The following AMPD3 variants were observed in gnomAD, a reference collection of about 807,000 sequenced individuals.
The protein encoded by AMPD3 is AMP deaminase 3.
In AMPD3, 57 loss-of-function variants were observed where a neutral mutation model predicts 82.3. The observed-to-expected ratio is 0.69, with a 90% confidence interval of 0.56 to 0.86. AMPD3 has a LOEUF of 0.86. Ranked by LOEUF, AMPD3 falls within the 40% of genes least tolerant of loss-of-function variation. The pLI is 0.00. For missense variants in AMPD3, 870 were observed against 1,003.8 expected (o/e 0.87, Z 1.80); for synonymous variants, 381 against 394.7 (o/e 0.97, Z 0.41).
At chr11:10,486,917 A>T (rs1849087348) in intron 5 of AMPD3, 1 of 985,370 alleles carries the variant, frequency 1.0e-6, no homozygotes, top group Non-Finnish European at 1.2e-6. Flanking sequence ...CTTGGGTGTT[A>T]CCACCTGATA....
intron 2 of AMPD3, among the ~76,000 whole-genome samples, chr11:10,466,032 C>A (rs150410266): frequency 6.6e-6 from 1 of 152,038 alleles, no homozygotes. Context: ...GAGGCCAAGG[C>A]GAGTGGATCA....
intron 2 of AMPD3, among the ~76,000 whole-genome samples, chr11:10,473,788 G>A (rs75142698): frequency 0.012 from 1,876 of 152,316 alleles, 27 homozygotes; most frequent in South Asian, 0.05. Flanking sequence ...AATTCCAGGT[G>A]AGCCAATGCA....
chr11:10,485,149 C>G, intron 5 of AMPD3, 110 bp downstream of exon 5: 1 of 1,057,202 alleles, frequency 9.5e-7, no homozygotes, highest in Non-Finnish European at 1.4e-6. Context: ...CTTAAAGCAT[C>G]CCAGAAAGAG....
intron 11 of AMPD3, 175 bp from the exon 12 acceptor site, chr11:10,501,295 C>G (rs370659725): frequency 1.0e-6 from 1 of 985,104 alleles, no homozygotes; most frequent in African/African-American, 1.7e-5. Context: ...TTCTAAGGGG[C>G]CCCAGGGCCT....
At chr11:10,451,154 T>C (rs1847952798), upstream of AMPD3, 3 of 1,503,274 alleles carry the variant, frequency 2.0e-6, no homozygotes, top group South Asian at 3.7e-5. Context: ...CCGCCTTCCC[T>C]GCTCGCAGAG....
At chr11:10,493,158 C>G (rs1227654519) in intron 6 of AMPD3, among the ~76,000 whole-genome samples, 191 bp from the exon 7 acceptor site, 1 of 152,146 alleles carries the variant, frequency 6.6e-6, no homozygotes, top group East Asian at 1.9e-4. Flanking sequence ...GAATGCGCAG[C>G]AAGGCTGAAA....
At chr11:10,492,918 A>G (rs138886820) in intron 6 of AMPD3, among the ~76,000 whole-genome samples, 3 of 152,182 alleles carry the variant, frequency 2.0e-5, no homozygotes, top group Admixed American at 6.5e-5. Flanking sequence ...AAAGGGATGC[A>G]GTGTACTGTA....
At chr11:10,478,965 C>T (rs1848823967) in intron 3 of AMPD3, among the ~76,000 whole-genome samples, 3 of 151,930 alleles carry the variant, frequency 2.0e-5, no homozygotes, top group South Asian at 2.1e-4. Context: ...GGCTGGCACA[C>T]TGTGTCTGTG....
intron 3 of AMPD3, chr11:10,479,790 A>G (rs1375905603): frequency 1.9e-6 from 1 of 527,922 alleles, no homozygotes; most frequent in Non-Finnish European, 2.4e-6. Flanking sequence ...ATATCAATAT[A>G]TAAAGAACTT....
intron 4 of AMPD3, 129 bp from the exon 5 acceptor site, chr11:10,484,691 T>C (rs986416432): frequency 6.3e-6 from 8 of 1,261,252 alleles, no homozygotes; most frequent in Admixed American, 1.9e-5. Context: ...GGGAAGAGCA[T>C]ATGAGATGCG....
At chr11:10,492,242 TG>T (rs2133916017) in intron 6 of AMPD3, among the ~76,000 whole-genome samples, 2 of 152,362 alleles carry the variant, frequency 1.3e-5, no homozygotes, top group South Asian at 4.1e-4. Context: ...AAGTCTAAGC[TG>T]ACTGTTCATT....
At position 10,475,622 on chromosome 11, in the gene AMPD3, A is replaced by G. The variant is rs563967164; in HGVS notation, c.222-2904A>G. 4.6e-5 allele frequency among the ~76,000 whole-genome samples: 7 copies of G among 152,326 alleles called. No individual in the cohort carries two copies. In the East Asian group the frequency reaches 1.2e-3, roughly 25 times the overall value. On this transcript the variant is annotated intron_variant, in intron 2 of 14. Coordinates refer to ENST00000396553, the MANE Select transcript of AMPD3 (RefSeq NM_001025389.2). ...ATCACTCCTGTGATGATGTTATGGA[A>G]TATGGCACAGTTGACCTTAAGATAG...
At chr11:10,494,249 A>G (rs1175514627) in intron 7 of AMPD3, among the ~76,000 whole-genome samples, 1 of 152,252 alleles carries the variant, frequency 6.6e-6, no homozygotes, top group Non-Finnish European at 1.5e-5. Context: ...ATATCATATG[A>G]TTCCACTGAT....
chr11:10,485,128 G>C, intron 5 of AMPD3, 89 bp downstream of exon 5: 1 of 1,271,006 alleles, frequency 7.9e-7, no homozygotes. Flanking sequence ...TCTGCCCTGG[G>C]GTCCCCTGTA....
rs1849522254 is a variant in AMPD3, at chr11:10,499,719, A to T, written c.1558-367A>T. On this transcript the variant is annotated intron_variant, in intron 10 of 14. Transcript: ENST00000396553. ...TCGCTTGTCGCTGCTGCTGATGGCAATGGCCACTCCTCCCTGCAGGCTGGC... is the reference window on the plus strand; with the variant it reads ...TCGCTTGTCGCTGCTGCTGATGGCATTGGCCACTCCTCCCTGCAGGCTGGC... 1.5e-5 allele frequency: 15 copies of T among 985,262 alleles called. No homozygotes were observed. In the South Asian group the frequency reaches 4.7e-4, roughly 31 times the overall value. 61.0% of individuals were successfully genotyped at this position (985,262 alleles called of 1,614,324 possible).
At chr11:10,469,835 C>T (rs796701368) in intron 2 of AMPD3, among the ~76,000 whole-genome samples, 48 of 151,486 alleles carry the variant, frequency 3.2e-4, no homozygotes, top group African/African-American at 7.0e-4. Flanking sequence ...GTCAGGAGAT[C>T]GAGACCATCC....
intron 5 of AMPD3, chr11:10,486,474 C>T (rs918537187): frequency 2.4e-6 from 2 of 836,048 alleles, no homozygotes; most frequent in African/African-American, 3.7e-5. Context: ...GCAGTGAGCA[C>T]CCCCATCCCC....
chr11:10,502,852 TTC>T lies in AMPD3; in HGVS notation c.1978_1979del (p.Leu660PhefsTer4). 6.2e-7 allele frequency: 1 copy of T among 1,614,228 alleles called. No homozygotes were observed. Among genetic ancestry groups the T allele is most frequent in the East Asian group, 2.2e-5 (1 of 44,882 alleles). On this transcript the variant is annotated frameshift_variant, in exon 13 of 15. Coordinates refer to ENST00000396553, the MANE Select transcript of AMPD3 (RefSeq NM_001025389.2). LOFTEE classifies it high-confidence loss of function. ...REFLHKGLHVSLSTDDPMQFH... is the reference protein window; with the variant it reads ...REFLHKGLHVXLSTDDPMQFH... The stretch of plus-strand genomic sequence containing the variant: ...AATTCCTACACAAGGGACTGCATGT[TTC>T]TCTTTCCACCGATGACCCCATGCAG...
At chr11:10,474,443 A>G (rs1316482729) in intron 2 of AMPD3, among the ~76,000 whole-genome samples, 1 of 152,122 alleles carries the variant, frequency 6.6e-6, no homozygotes, top group Admixed American at 6.5e-5. Flanking sequence ...TCACTTTAGC[A>G]TTTGAGTGCT....
Sources: gnomAD v4.1 joint callset for allele counts (sites outside exome capture counted in the v4.1 genomes callset) on GRCh38, gnomAD v4.1.1 for gene constraint, MANE v1.5 for transcripts, NCBI Gene and HGNC (gene_info 2026-07-23, HGNC 2026-07-21) for gene names.